XRCC4: variants seen among roughly 807,000 people sequenced by gnomAD.
The protein encoded by XRCC4 is X-ray repair cross complementing 4.
A neutral mutation model predicts 39.1 loss-of-function variants in XRCC4; 28 were observed. The ratio of observed to expected loss-of-function variants is 0.72; its 90% CI spans 0.53 to 0.98. The LOEUF (loss-of-function observed/expected upper bound fraction) is 0.98, where lower values mean the gene tolerates loss of function less well. Among genes scored for constraint, XRCC4 ranks in the 50% least tolerant of loss-of-function variants. The pLI, the probability that XRCC4 is intolerant of heterozygous loss-of-function variation, is 0.00. For missense variants in XRCC4, 350 were observed against 376.4 expected, an observed-to-expected ratio of 0.93 and a Z score of 0.58; for synonymous variants, 123 against 126.4, an observed-to-expected ratio of 0.97 and a Z score of 0.18.
chr5:83,175,800 T>C (rs1369819906), intron 3 of XRCC4, among the ~76,000 whole-genome samples: 2 of 151,942 alleles, frequency 1.3e-5, no homozygotes, highest in African/African-American at 4.8e-5. Context: ...GTAGAGACGG[T>C]GTTTTGCCGT....
chr5:83,177,808 C>G (rs934421030), intron 3 of XRCC4, among the ~76,000 whole-genome samples: 1 of 152,050 alleles, frequency 6.6e-6, no homozygotes, highest in Non-Finnish European at 1.5e-5. Context: ...AGGTTCTGAC[C>G]AAGAAGCCTT....
At chr5:83,314,758 T>G (rs1273863619) in intron 7 of XRCC4, among the ~76,000 whole-genome samples, 1 of 152,132 alleles carries the variant, frequency 6.6e-6, no homozygotes, top group Admixed American at 6.6e-5. Context: ...ACCATGCCCA[T>G]AAAATATTAC....
chr5:83,330,022 A>G (rs1364560695), intron 7 of XRCC4, among the ~76,000 whole-genome samples: 1 of 152,134 alleles, frequency 6.6e-6, no homozygotes, highest in Non-Finnish European at 1.5e-5. Context: ...CCAGATAACA[A>G]AACTATTCAG....
chr5:83,094,806 C>T (rs1013689212), intron 1 of XRCC4, among the ~76,000 whole-genome samples: 2 of 151,774 alleles, frequency 1.3e-5, no homozygotes, highest in Non-Finnish European at 2.9e-5. Context: ...CTGCTTCAGC[C>T]TCCTGAGTTG....
chr5:83,243,327 T>C (rs1752984320), intron 6 of XRCC4, among the ~76,000 whole-genome samples: 1 of 152,192 alleles, frequency 6.6e-6, no homozygotes, highest in Non-Finnish European at 1.5e-5. Flanking sequence ...AGAAATTTAT[T>C]TTCTCACATT....
At chr5:83,200,491 C>T (rs1751142179) in intron 4 of XRCC4, among the ~76,000 whole-genome samples, 2 of 152,138 alleles carry the variant, frequency 1.3e-5, no homozygotes, top group South Asian at 4.1e-4. Context: ...TTAAGATTAA[C>T]AATATTCTTT....
downstream of XRCC4, among the ~76,000 whole-genome samples, chr5:83,358,523 G>A (rs898459494): frequency 2.0e-5 from 3 of 152,048 alleles, no homozygotes; most frequent in African/African-American, 7.2e-5. Context: ...CTAAATGAGA[G>A]TCTCAATGCC....
At chr5:83,357,775 A>C (rs1757205856), downstream of XRCC4, among the ~76,000 whole-genome samples, 1 of 152,168 alleles carries the variant, frequency 6.6e-6, no homozygotes, top group Non-Finnish European at 1.5e-5. Context: ...GGTGTCCGGA[A>C]ATTGGAAAGG....
At chr5:83,243,213 A>G (rs1247717887) in intron 6 of XRCC4, among the ~76,000 whole-genome samples, 1 of 152,218 alleles carries the variant, frequency 6.6e-6, no homozygotes, top group African/African-American at 2.4e-5. Context: ...CATAATGATA[A>G]AGAAGGTGAG....
intron 3 of XRCC4, among the ~76,000 whole-genome samples, chr5:83,136,740 G>A (rs1254668368): frequency 2.0e-5 from 3 of 152,044 alleles, no homozygotes. Context: ...ATAAAGACCT[G>A]CAGTACTCTT....
chr5:83,241,896 A>G (rs1456103066), intron 6 of XRCC4, among the ~76,000 whole-genome samples: 1 of 151,942 alleles, frequency 6.6e-6, no homozygotes, highest in Non-Finnish European at 1.5e-5. Flanking sequence ...GGATTCTCAA[A>G]AAGGTCTTTA....
intron 3 of XRCC4, among the ~76,000 whole-genome samples, chr5:83,139,729 T>C (rs1342461567): frequency 6.6e-6 from 1 of 152,212 alleles, no homozygotes. Flanking sequence ...AGCATGTTGC[T>C]GTGCTGAGTA....
intron 3 of XRCC4, among the ~76,000 whole-genome samples, chr5:83,163,932 G>A (rs928088267): frequency 6.6e-6 from 1 of 152,168 alleles, no homozygotes; most frequent in Non-Finnish European, 1.5e-5. Flanking sequence ...GGAGTTGGGA[G>A]AAAGATTTGT....
At chr5:83,181,999 A>C (rs2112654140) in intron 3 of XRCC4, among the ~76,000 whole-genome samples, 1 of 152,302 alleles carries the variant, frequency 6.6e-6, no homozygotes, top group Admixed American at 6.5e-5. Context: ...GCCCTTGTTG[A>C]AGCAATGCTG....
At chr5:83,283,521 C>CAGGT (rs1366108073) in intron 7 of XRCC4, among the ~76,000 whole-genome samples, 1 of 152,200 alleles carries the variant, frequency 6.6e-6, no homozygotes, top group African/African-American at 2.4e-5. Context: ...AACATTAAAA[C>CAGGT]AGGTCCAAAA....
intron 7 of XRCC4, among the ~76,000 whole-genome samples, chr5:83,311,925 C>A (rs370302242): frequency 7.1e-4 from 108 of 152,080 alleles, no homozygotes; most frequent in African/African-American, 2.5e-3. Context: ...GAAAGAAAGT[C>A]TTTTGTGAAA....
At chr5:83,152,496 G>C (rs1440101495) in intron 3 of XRCC4, among the ~76,000 whole-genome samples, 1 of 151,980 alleles carries the variant, frequency 6.6e-6, no homozygotes, top group Non-Finnish European at 1.5e-5. Context: ...AGCTGGGCTT[G>C]GTGGCGGGTG....
chr5:83,263,127 G>A (rs1177457867), intron 7 of XRCC4, among the ~76,000 whole-genome samples: 2 of 149,702 alleles, frequency 1.3e-5, no homozygotes, highest in Non-Finnish European at 3.0e-5. Context: ...AGTTTACTGA[G>A]AATGATGATT....
At chr5:83,088,781 C>T (rs1745295304) in intron 1 of XRCC4, among the ~76,000 whole-genome samples, 2 of 152,072 alleles carry the variant, frequency 1.3e-5, no homozygotes, top group African/African-American at 2.4e-5. Context: ...TTTCCAACTT[C>T]CTTCTAATAA....
Sources: allele counts gnomAD v4.1 joint callset (sites outside exome capture counted in the v4.1 genomes callset), GRCh38; gene constraint gnomAD v4.1.1; transcripts MANE v1.5; gene names NCBI Gene and HGNC (gene_info 2026-07-23, HGNC 2026-07-21).